The following MED15 variants were observed in gnomAD, a reference collection of about 807,000 sequenced individuals.
MED15 encodes the protein mediator of RNA polymerase II transcription subunit 15.
MED15 carries 41 observed loss-of-function variants against 118.7 expected under a neutral mutation model. The observed-to-expected ratio is 0.35, with a 90% CI of 0.27 to 0.45. MED15 has a LOEUF of 0.45. Ranked by LOEUF, MED15 falls within the 20% of genes least tolerant of loss-of-function variation. The probability of loss-of-function intolerance (pLI) is 1.00; values close to 1 mark genes in which losing one functional copy is unlikely to be tolerated. For synonymous variants in MED15, 436 were observed against 413.9 expected (o/e 1.05, Z -0.65); for missense variants, 740 against 1,025.5 (o/e 0.72, Z 3.80).
chr22:20,567,109 C>G (rs990874951), intron 7 of MED15, among the ~76,000 whole-genome samples: 2 of 152,166 alleles, frequency 1.3e-5, no homozygotes, highest in East Asian at 3.8e-4. Flanking sequence ...TTCTGTGGGC[C>G]CTTTCAGGGT....
At chr22:20,532,858 G>A (rs746950000) in intron 1 of MED15, among the ~76,000 whole-genome samples, 4 of 152,200 alleles carry the variant, frequency 2.6e-5, no homozygotes, top group Admixed American at 6.5e-5. Flanking sequence ...ACAGGCCCTC[G>A]TCTTCCCGGC....
chr22:20,560,376 T>A (rs921405127), intron 5 of MED15, among the ~76,000 whole-genome samples: 1 of 152,140 alleles, frequency 6.6e-6, no homozygotes, highest in African/African-American at 2.4e-5. Context: ...GCGATTCTCC[T>A]GCCTCAGCCT....
chr22:20,568,210 C>T lies in MED15; in HGVS notation c.1042-311C>T, dbSNP rs141879673. ...GAGTGAAGCTCTTGTGGACCATCAG[C>T]ATGCTTGGCCCAGAGGATGAGCAGG... On this transcript the variant is annotated intron_variant, in intron 7 of 17. Transcript: ENST00000263205. 3.3e-4 allele frequency among the ~76,000 whole-genome samples: 50 copies of T among 152,302 alleles called. 1 individual carries two copies. In the East Asian group the frequency reaches 7.0e-3, roughly 21 times the overall value.
chr22:20,574,670 G>A lies in MED15; in HGVS notation c.1153-443G>A, dbSNP rs188737209. The A allele has an allele frequency of 2.7e-3, 426 of 160,278 alleles. 4 individuals are homozygous for A. The highest frequency in any genetic ancestry group is 1.6e-3 in the Non-Finnish European group (116 of 72,340). The allele number at this position is 160,278 out of a possible 1,614,324, so 9.9% of individuals were successfully genotyped here. ...CAGGCTTAACTGAGCTCATGGTTCA[G>A]TGGGAGTTGAGTGTTCTCATCACAG... is the stretch of plus-strand genomic sequence containing the variant. On this transcript the variant is annotated intron_variant, in intron 8 of 17. Coordinates refer to ENST00000263205, the MANE Select transcript of MED15 (RefSeq NM_001003891.3).
chr22:20,514,354 C>T (rs922677856), intron 1 of MED15, among the ~76,000 whole-genome samples: 30 of 152,152 alleles, frequency 2.0e-4, no homozygotes, highest in African/African-American at 7.2e-4. Context: ...TAGTGCTGCA[C>T]CTGTCATACA....
chr22:20,549,192 G>A (rs2055675176), intron 2 of MED15, among the ~76,000 whole-genome samples: 1 of 152,170 alleles, frequency 6.6e-6, no homozygotes, highest in African/African-American at 2.4e-5. Flanking sequence ...AAATCAAGGC[G>A]ATAATGCATG....
intron 11 of MED15, 38 bp from the exon 12 acceptor site, chr22:20,583,075 G>T: frequency 1.3e-6 from 2 of 1,558,422 alleles, no homozygotes; most frequent in South Asian, 1.2e-5. Context: ...CCCACCCGAG[G>T]GTCGAGGGCT....
rs773336990 is a variant in MED15 at position 20,566,637 on chromosome 22, C to T, written c.861C>T (p.Pro287=). Residue 287 remains proline, a synonymous_variant, in exon 7 of 18, where the codon CCC becomes CCT. Transcript: ENST00000263205. ...QPQPPPSQAL[P]QQLQQMHHTQ... ...AGCCTCCGCCCTCCCAGGCTCTGCC[C>T]CAGCAGCTGCAGCAGATGCATCACA... The T allele has an allele frequency of 7.3e-5, 118 of 1,613,992 alleles. No individual in the cohort carries two copies. Among genetic ancestry groups the T allele is most frequent in the Non-Finnish European group, 9.5e-5 (112 of 1,180,020 alleles).
At chr22:20,553,056 A>C in intron 3 of MED15, 89 bp from the exon 4 acceptor site, 1 of 1,283,086 alleles carries the variant, frequency 7.8e-7, no homozygotes, top group East Asian at 2.3e-5. Context: ...AGGCTTGGGC[A>C]AATGCCTACA....
intron 9 of MED15, among the ~76,000 whole-genome samples, chr22:20,581,444 G>A (rs165908): frequency 0.25 from 38,657 of 151,860 alleles, 5,282 homozygotes; most frequent in East Asian, 0.52. Context: ...CCCGAGACAG[G>A]CGTTCATGGC....
intron 1 of MED15, among the ~76,000 whole-genome samples, chr22:20,508,885 GAC>G (rs2053967376): frequency 1.3e-5 from 2 of 152,194 alleles, no homozygotes; most frequent in South Asian, 4.1e-4. Flanking sequence ...ATTTGCCTGA[GAC>G]ACAGCCCCTT....
chr22:20,583,300 T>G (rs1184161910), intron 12 of MED15, 30 bp from the exon 13 acceptor site: 6 of 1,613,390 alleles, frequency 3.7e-6, no homozygotes, highest in Non-Finnish European at 5.1e-6. Context: ...ACCAGGCTTG[T>G]GTCTTAGTGT....
At chr22:20,574,884 GA>G in intron 8 of MED15, 1 of 598,044 alleles carries the variant, frequency 1.7e-6, no homozygotes, top group South Asian at 1.8e-5. Flanking sequence ...GAAAGGTCTG[GA>G]AGCAGCATTC....
In MED15 at chr22:20,585,260, C is replaced by A; in HGVS notation, c.2124C>A (p.Cys708Ter). The change falls in exon 16 of 18, where the codon TGC (cysteine) becomes TGA (stop). Residue 708 changes from cysteine (C) to a stop codon, truncating the protein, a stop_gained. Transcript: ENST00000263205. LOFTEE classifies it high-confidence loss of function. ...CSNNGTVHLI[C>*]KLDDKDLPSV... Reference sequence around the variant, plus strand: ...ACAATGGCACTGTCCACCTGATCTGCAAGCTGGGTGAGTGTCCAGAGGGCC... The same window carrying A: ...ACAATGGCACTGTCCACCTGATCTGAAAGCTGGGTGAGTGTCCAGAGGGCC... 1 of 1,613,088 alleles carries A rather than the reference C, an allele frequency of 6.2e-7. No homozygotes were observed. The highest frequency in any genetic ancestry group is 8.5e-7 in the Non-Finnish European group (1 of 1,179,632).
At chr22:20,552,628 C>A in intron 3 of MED15, 1 of 373,680 alleles carries the variant, frequency 2.7e-6, no homozygotes, top group Non-Finnish European at 5.4e-6. Flanking sequence ...CCCATGACTG[C>A]TACAGAAGTT....
rs753307601 is a variant in MED15, at chr22:20,585,023, CAGCTG to C, written c.1964+9_1964+13del. 3 of 1,613,978 alleles carry C rather than the reference CAGCTG, an allele frequency of 1.9e-6. No individual in the cohort carries two copies. Among genetic ancestry groups the C allele is most frequent in the Non-Finnish European group, 2.5e-6 (3 of 1,179,978 alleles). On this transcript the variant is annotated intron_variant, in intron 15 of 17. Transcript: ENST00000263205. ...TCACGGCCCACCCATCACGTATGTC[CAGCTG>C]GGCTGGGCTTTGCGGAGGGCGGCCA... is the stretch of plus-strand genomic sequence containing the variant.
intron 8 of MED15, among the ~76,000 whole-genome samples, chr22:20,571,323 C>G (rs1275992989): frequency 1.3e-5 from 2 of 152,222 alleles, no homozygotes; most frequent in Non-Finnish European, 2.9e-5. Context: ...GTGGAGGTCC[C>G]CGCCCGACTG....
intron 1 of MED15, among the ~76,000 whole-genome samples, chr22:20,509,138 A>T (rs1214423687): frequency 6.6e-6 from 1 of 152,030 alleles, no homozygotes; most frequent in Non-Finnish European, 1.5e-5. Context: ...GTAGGCTGAG[A>T]GTTCTGGGGC....
At chr22:20,574,113 C>G (rs1203177216) in intron 8 of MED15, 1 of 152,270 alleles carries the variant, frequency 6.6e-6, no homozygotes, top group Non-Finnish European at 1.5e-5. Flanking sequence ...CTGCCTGCAC[C>G]GAAGGCTGGC....
Sources: gnomAD v4.1 joint callset for allele counts (sites outside exome capture counted in the v4.1 genomes callset) on GRCh38, gnomAD v4.1.1 for gene constraint, MANE v1.5 for transcripts, NCBI Gene and HGNC (gene_info 2026-07-23, HGNC 2026-07-21) for gene names.